The following CNOT2 variants were observed in gnomAD, a reference collection of about 807,000 sequenced individuals.
CNOT2 encodes the protein CCR4-NOT transcription complex subunit 2, also known as CC chemokine receptor 4-negative regulator of transcription 2.
CNOT2 carries 7 observed loss-of-function variants against 72.1 expected under a neutral mutation model. The observed-to-expected ratio is 0.10, with a 90% confidence interval of 0.06 to 0.18. The LOEUF is 0.18. Among genes scored for constraint, CNOT2 ranks in the 10% least tolerant of loss-of-function variants. The probability of loss-of-function intolerance (pLI) is 1.00; values close to 1 mark genes in which losing one functional copy is unlikely to be tolerated. For missense variants in CNOT2, 345 were observed against 660.3 expected, an observed-to-expected ratio of 0.52 and a Z score of 5.23; for synonymous variants, 196 against 225.6, an observed-to-expected ratio of 0.87 and a Z score of 1.17.
intron 4 of CNOT2, chr12:70,327,565 A>G (rs557342164): frequency 6.6e-6 from 1 of 151,866 alleles, no homozygotes; most frequent in Admixed American, 6.6e-5. Context: ...ACATTGAACT[A>G]GGTGATCTTT....
intron 2 of CNOT2, among the ~76,000 whole-genome samples, chr12:70,287,893 T>G (rs758868925): frequency 6.7e-6 from 1 of 149,704 alleles, no homozygotes; most frequent in African/African-American, 2.4e-5. Flanking sequence ...AGGGGACATT[T>G]CTCCCAAGGG....
chr12:70,319,755 T>C (rs1170435286), intron 4 of CNOT2, among the ~76,000 whole-genome samples: 1 of 151,722 alleles, frequency 6.6e-6, no homozygotes, highest in East Asian at 1.9e-4. Flanking sequence ...CACGCCTGTT[T>C]ATTAAGTAAA....
At chr12:70,341,500 C>A (rs1336516259) in intron 11 of CNOT2, among the ~76,000 whole-genome samples, 2 of 151,888 alleles carry the variant, frequency 1.3e-5, no homozygotes, top group Admixed American at 1.3e-4. Context: ...CCCAGTTCCC[C>A]TCTAACATGG....
chr12:70,243,335 G>T (rs1957658660), upstream of CNOT2: 1 of 152,692 alleles, frequency 6.5e-6, no homozygotes, highest in African/African-American at 2.4e-5. Context: ...TTTTGCAGTC[G>T]TCGCTCCCAC....
At chr12:70,305,873 G>GTTTTTTTTTTTTTTTTTTTTTTTTT (rs11412509) in intron 2 of CNOT2, among the ~76,000 whole-genome samples, 2 of 60,074 alleles carry the variant, frequency 3.3e-5, no homozygotes, top group African/African-American at 6.5e-5. Context: ...TCTGAAGTTT[G>GTTTTTTTTTTTTTTTTTTTTTTTTT]TTTTTTTTTT....
chr12:70,333,703 A>G (rs1880274529), intron 7 of CNOT2, among the ~76,000 whole-genome samples: 1 of 152,004 alleles, frequency 6.6e-6, no homozygotes, highest in Non-Finnish European at 1.5e-5. Flanking sequence ...ATGTTAATGT[A>G]TGCTCAGCAG....
chr12:70,283,905 A>C (rs1158269792), intron 2 of CNOT2, among the ~76,000 whole-genome samples: 1 of 150,958 alleles, frequency 6.6e-6, no homozygotes, highest in Admixed American at 6.6e-5. Context: ...TCAGCAACGG[A>C]AGTCACTTTG....
chr12:70,309,491 C>T (rs371405054), intron 2 of CNOT2, among the ~76,000 whole-genome samples: 37 of 152,144 alleles, frequency 2.4e-4, no homozygotes, highest in African/African-American at 8.9e-4. Flanking sequence ...CAGAGTTACA[C>T]GTAAAGTTTG....
intron 14 of CNOT2, chr12:70,345,877 C>T (rs922106142): frequency 5.2e-5 from 11 of 212,090 alleles, no homozygotes; most frequent in African/African-American, 2.5e-4. Flanking sequence ...TTTATTTGGT[C>T]TGCCTATGTT....
rs1883248676 is a variant in CNOT2, at chr12:70,354,519, T to A, written c.*604T>A. ...CAATCTCTGGATGGTTTTCCAGGGTTGTGTTATTACTGAGCTTCATCTTTC... is the reference window on the plus strand; with the variant it reads ...CAATCTCTGGATGGTTTTCCAGGGTAGTGTTATTACTGAGCTTCATCTTTC... On this transcript the variant is annotated 3_prime_UTR_variant, in exon 16 of 16. Transcript: ENST00000229195. 1 of 152,664 alleles carries A rather than the reference T, an allele frequency of 6.6e-6. No individual in the cohort carries two copies. The allele number at this position is 152,664 out of a possible 1,614,324, so 9.5% of individuals were successfully genotyped here. A position where few individuals can be genotyped will look rare whatever the true frequency, so the allele number is the denominator to read the frequency against.
chr12:70,308,754 C>T (rs181955608), intron 2 of CNOT2, among the ~76,000 whole-genome samples: 1 of 152,016 alleles, frequency 6.6e-6, no homozygotes, highest in Admixed American at 6.6e-5. Flanking sequence ...CAATTAATTT[C>T]AATTTTAGAA....
chr12:70,284,575 CCTTTT>C (rs1565766705), intron 2 of CNOT2, among the ~76,000 whole-genome samples: 2 of 140,538 alleles, frequency 1.4e-5, no homozygotes, highest in African/African-American at 2.6e-5. Context: ...TAAAATTTGA[CCTTTT>C]TTTTTTTTTT....
At chr12:70,351,626 T>C (rs996052174) in intron 15 of CNOT2, among the ~76,000 whole-genome samples, 1 of 152,238 alleles carries the variant, frequency 6.6e-6, no homozygotes, top group Non-Finnish European at 1.5e-5. Flanking sequence ...TCATACATTG[T>C]AGTTCATCAA....
intron 2 of CNOT2, among the ~76,000 whole-genome samples, chr12:70,280,087 A>G (rs1374224796): frequency 6.6e-6 from 1 of 152,176 alleles, no homozygotes; most frequent in Non-Finnish European, 1.5e-5. Flanking sequence ...ATTCAAAGGA[A>G]TGTTCATCAC....
intron 2 of CNOT2, among the ~76,000 whole-genome samples, chr12:70,293,631 T>C (rs925943081): frequency 1.3e-5 from 2 of 152,322 alleles, no homozygotes; most frequent in Non-Finnish European, 2.9e-5. Flanking sequence ...TCCCAAGGAT[T>C]GTACTTATAT....
intron 1 of CNOT2, among the ~76,000 whole-genome samples, chr12:70,273,278 G>T (rs993085911): frequency 6.6e-6 from 1 of 151,906 alleles, no homozygotes; most frequent in African/African-American, 2.4e-5. Flanking sequence ...CCAAGTAGGT[G>T]ATCTCCATGC....
Position 70,278,414 on chromosome 12 carries a change from A to G in CNOT2, c.48+140A>G, listed in dbSNP as rs1593104209. Reference sequence around the variant, plus strand: ...TTGGGTTTATAATTTTAAATTAAGTACTGGATTTGATAGTTGAAATAGTTG... The same window carrying G: ...TTGGGTTTATAATTTTAAATTAAGTGCTGGATTTGATAGTTGAAATAGTTG... On this transcript the variant is annotated intron_variant, in intron 2 of 15. Transcript: ENST00000229195. 12 of 556,038 alleles carry G rather than the reference A, an allele frequency of 2.2e-5. No homozygotes were observed. The East Asian group carries it at 3.5e-4, about 16-fold the overall frequency. 34.4% of individuals were successfully genotyped at this position (556,038 alleles called of 1,614,324 possible). A position where few individuals can be genotyped will look rare whatever the true frequency, so the allele number is the denominator to read the frequency against.
chr12:70,290,235 T>G (rs1027504830), intron 2 of CNOT2, among the ~76,000 whole-genome samples: 1 of 152,034 alleles, frequency 6.6e-6, no homozygotes, highest in African/African-American at 2.4e-5. Context: ...CCTTTTTTTT[T>G]TGTTTTTTTT....
intron 11 of CNOT2, among the ~76,000 whole-genome samples, chr12:70,340,887 ATCTT>A (rs1938971948): frequency 8.2e-6 from 1 of 122,610 alleles, no homozygotes. Flanking sequence ...AAAACCCCAA[ATCTT>A]TTTTTTTTTT....
Sources: gnomAD v4.1 joint callset for allele counts (sites outside exome capture counted in the v4.1 genomes callset) on GRCh38, gnomAD v4.1.1 for gene constraint, MANE v1.5 for transcripts, NCBI Gene and HGNC (gene_info 2026-07-23, HGNC 2026-07-21) for gene names.